Variants in HAT1 observed in about 807,000 individuals in gnomAD.
HAT1 encodes the protein histone acetyltransferase type B catalytic subunit.
Under a neutral mutation model 56.6 loss-of-function variants are expected in HAT1, and 20 were observed. The observed-to-expected ratio is 0.35, with a 90% CI of 0.25 to 0.51. HAT1 has a LOEUF of 0.51. Among genes scored for constraint, HAT1 ranks in the 20% least tolerant of loss-of-function variants. The pLI is 0.95. For synonymous variants in HAT1, 146 were observed against 165.5 expected (o/e 0.88, Z 0.91); for missense variants, 408 against 504.3 (o/e 0.81, Z 1.83).
At chr2:171,954,705 A>G (rs1687397834) in intron 4 of HAT1, among the ~76,000 whole-genome samples, 1 of 152,216 alleles carries the variant, frequency 6.6e-6, no homozygotes, top group Non-Finnish European at 1.5e-5. Context: ...GAGAGAGATG[A>G]GTATGCATCT....
chr2:171,970,540 G>C (rs1687790348), intron 8 of HAT1, among the ~76,000 whole-genome samples: 1 of 62,194 alleles, frequency 1.6e-5, no homozygotes, highest in African/African-American at 7.2e-5. Context: ...TTTTTTTTGA[G>C]ACGGAGTCTC....
intron 9 of HAT1, among the ~76,000 whole-genome samples, chr2:171,976,704 T>C (rs901585713): frequency 6.6e-6 from 1 of 152,202 alleles, no homozygotes; most frequent in African/African-American, 2.4e-5. Flanking sequence ...TACTTTTATA[T>C]ATTTATTTAA....
intron 5 of HAT1, 63 bp from the exon 6 acceptor site, chr2:171,965,724 T>C: frequency 6.6e-7 from 1 of 1,519,724 alleles, no homozygotes; most frequent in Non-Finnish European, 9.0e-7. Context: ...AATTTTGTGT[T>C]CTGCGGACTT....
At chr2:171,928,886 T>A (rs924755064) in intron 2 of HAT1, among the ~76,000 whole-genome samples, 14 of 152,344 alleles carry the variant, frequency 9.2e-5, no homozygotes, top group African/African-American at 3.4e-4. Flanking sequence ...ATTTGAGTTG[T>A]TTCTAGTTTT....
chr2:171,957,036 G>A (rs985498030), intron 4 of HAT1, among the ~76,000 whole-genome samples: 6 of 151,800 alleles, frequency 4.0e-5, no homozygotes, highest in African/African-American at 1.5e-4. Context: ...ATTTGTGGAG[G>A]ACCCTCTTGT....
intron 2 of HAT1, among the ~76,000 whole-genome samples, chr2:171,933,802 T>C (rs900876152): frequency 7.2e-5 from 11 of 152,206 alleles, no homozygotes; most frequent in African/African-American, 2.4e-4. Context: ...TTGAGCCTTG[T>C]TTTATAGCTT....
At position 171,946,920 on chromosome 2, in the gene HAT1, G is replaced by T. The variant is rs1687181646; in HGVS notation, c.188+137G>T. 26 of 551,092 alleles carry T rather than the reference G, an allele frequency of 4.7e-5. No homozygotes were observed. In the South Asian group the frequency reaches 6.9e-4, roughly 15 times the overall value. 34.1% of individuals were successfully genotyped at this position (551,092 alleles called of 1,614,324 possible). Reference sequence around the variant, plus strand: ...TTATCTTAAAATATATGTTATAATGGTGTTTTTTTACATTGAGACACCAGT... The same window carrying T: ...TTATCTTAAAATATATGTTATAATGTTGTTTTTTTACATTGAGACACCAGT... On this transcript the variant is annotated intron_variant, in intron 3 of 10. Coordinates refer to ENST00000264108, the MANE Select transcript of HAT1 (RefSeq NM_003642.4).
At chr2:171,940,007 C>T (rs765115650) in intron 2 of HAT1, among the ~76,000 whole-genome samples, 8 of 152,036 alleles carry the variant, frequency 5.3e-5, no homozygotes, top group Non-Finnish European at 8.8e-5. Context: ...CTGGACTCAG[C>T]GATCCTCCCA....
intron 10 of HAT1, among the ~76,000 whole-genome samples, chr2:171,981,691 C>G (rs959319676): frequency 4.6e-5 from 7 of 152,280 alleles, no homozygotes; most frequent in Admixed American, 3.9e-4. Context: ...CTCATAGTGT[C>G]ATTTCATTGC....
chr2:171,943,437 G>GAAAAAAAAAAAAAAAAAAAA (rs1687079374), intron 2 of HAT1, among the ~76,000 whole-genome samples: 1 of 88,280 alleles, frequency 1.1e-5, no homozygotes. Context: ...AAAAAAAAAG[G>GAAAAAAAAAAAAAAAAAAAA]AAACTAAGCA....
At position 171,925,423 on chromosome 2, in the gene HAT1, T is replaced by A. The variant is rs79472940; in HGVS notation, c.8-114T>A. On this transcript the variant is annotated intron_variant, in intron 1 of 10. Coordinates refer to ENST00000264108, the MANE Select transcript of HAT1 (RefSeq NM_003642.4). ...ATGTGGAGAATGACTTGTGCTTTTA[T>A]GATCTATCAGCATGTTTTAAATCAT... 15 of 598,662 alleles carry A rather than the reference T, an allele frequency of 2.5e-5. No individual in the cohort carries two copies. In the African/African-American group the frequency reaches 2.6e-4, roughly 10 times the overall value. The allele number at this position is 598,662 out of a possible 1,614,324, so 37.1% of individuals were successfully genotyped here.
At chr2:171,942,255 G>A (rs2028674) in intron 2 of HAT1, among the ~76,000 whole-genome samples, 27,794 of 151,836 alleles carry the variant, frequency 0.18, 3,672 homozygotes, top group African/African-American at 0.37. Context: ...TTTTTATACT[G>A]TATATTTTTT....
chr2:171,947,605 G>C (rs976408985), intron 3 of HAT1, among the ~76,000 whole-genome samples: 1 of 152,180 alleles, frequency 6.6e-6, no homozygotes, highest in Non-Finnish European at 1.5e-5. Flanking sequence ...CAGGCCAGGC[G>C]CAGTGGCTCA....
At chr2:171,951,388 C>T (rs1381330802) in intron 3 of HAT1, among the ~76,000 whole-genome samples, 2 of 151,952 alleles carry the variant, frequency 1.3e-5, no homozygotes, top group Non-Finnish European at 2.9e-5. Flanking sequence ...TGTGTAATAT[C>T]TTAGTAGATA....
chr2:171,947,386 T>C (rs1221937646), intron 3 of HAT1, among the ~76,000 whole-genome samples: 3 of 151,840 alleles, frequency 2.0e-5, no homozygotes, highest in African/African-American at 7.3e-5. Flanking sequence ...TCCGAGTAGC[T>C]GGGACTACAG....
chr2:171,978,009 T>C (rs1688030750), intron 9 of HAT1, among the ~76,000 whole-genome samples: 1 of 151,994 alleles, frequency 6.6e-6, no homozygotes, highest in African/African-American at 2.4e-5. Flanking sequence ...AAAAACTTCC[T>C]GATTCTTCTG....
At chr2:171,974,890 A>T (rs1687921535) in intron 8 of HAT1, among the ~76,000 whole-genome samples, 1 of 152,118 alleles carries the variant, frequency 6.6e-6, no homozygotes. Flanking sequence ...TTGGATGTTA[A>T]ACCAACTTTG....
In HAT1 at chr2:171,946,692, T is replaced by C; in HGVS notation, c.113-16T>C. 5 of 1,461,294 alleles carry C rather than the reference T, an allele frequency of 3.4e-6. No individual in the cohort carries two copies. Among genetic ancestry groups the C allele is most frequent in the Non-Finnish European group, 4.8e-6 (5 of 1,049,032 alleles). The allele number at this position is 1,461,294 out of a possible 1,614,324, so 90.5% of individuals were successfully genotyped here. ...AGTTATCTTTAATATCTCTATTTTTTTGTCCCTTGAAACAGTTCGTTTTCC... is the reference window on the plus strand; with the variant it reads ...AGTTATCTTTAATATCTCTATTTTTCTGTCCCTTGAAACAGTTCGTTTTCC... On this transcript the variant is annotated splice_polypyrimidine_tract_variant and intron_variant, in intron 2 of 10. Coordinates refer to ENST00000264108, the MANE Select transcript of HAT1 (RefSeq NM_003642.4).
At chr2:171,982,410 C>T (rs1558983343) in intron 10 of HAT1, among the ~76,000 whole-genome samples, 2 of 152,166 alleles carry the variant, frequency 1.3e-5, no homozygotes, top group Non-Finnish European at 2.9e-5. Context: ...TATTTTCTCC[C>T]CTAAATCTGC....
Sources: gnomAD v4.1 joint callset for allele counts (sites outside exome capture counted in the v4.1 genomes callset) on GRCh38, gnomAD v4.1.1 for gene constraint, MANE v1.5 for transcripts, NCBI Gene and HGNC (gene_info 2026-07-23, HGNC 2026-07-21) for gene names.